CPED1: variants seen among roughly 807,000 people sequenced by gnomAD.
CPED1 encodes cadherin like and PC-esterase domain containing 1.
CPED1 carries 114 observed loss-of-function variants against 128.2 expected under a neutral mutation model. That is an observed-to-expected ratio of 0.89 (90% CI 0.76 to 1.04). The LOEUF (loss-of-function observed/expected upper bound fraction) is 1.04, where lower values mean the gene tolerates loss of function less well. CPED1 is among the 50% of genes least tolerant of loss of function. The pLI is 0.00. For synonymous variants in CPED1, 462 were observed against 426.7 expected (o/e 1.08, Z -1.02); for missense variants, 1,211 against 1,207.1 (o/e 1.00, Z -0.05).
intron 3 of CPED1, among the ~76,000 whole-genome samples, chr7:121,017,656 G>T (rs1446859516): frequency 1.3e-5 from 2 of 152,124 alleles, no homozygotes; most frequent in African/African-American, 4.8e-5. Flanking sequence ...GCACAACATG[G>T]ATTATCTGTA....
At chr7:121,087,371 T>A (rs1407621881) in intron 5 of CPED1, among the ~76,000 whole-genome samples, 1 of 152,178 alleles carries the variant, frequency 6.6e-6, no homozygotes, top group East Asian at 1.9e-4. Context: ...AACAAACTGA[T>A]ATAGATTAAT....
intron 22 of CPED1, among the ~76,000 whole-genome samples, chr7:121,283,217 G>A (rs1335696173): frequency 6.6e-6 from 1 of 152,074 alleles, no homozygotes; most frequent in African/African-American, 2.4e-5. Context: ...GTAAGATTGG[G>A]GTTTATATAG....
chr7:121,177,672 G>A (rs909338854), intron 16 of CPED1, among the ~76,000 whole-genome samples: 1 of 152,060 alleles, frequency 6.6e-6, no homozygotes, highest in African/African-American at 2.4e-5. Context: ...GCAGTGAGGA[G>A]AAAGTGCTGT....
At chr7:121,170,628 G>A (rs970054290) in intron 16 of CPED1, among the ~76,000 whole-genome samples, 1 of 152,084 alleles carries the variant, frequency 6.6e-6, no homozygotes, top group Non-Finnish European at 1.5e-5. Context: ...TTCTCATGGA[G>A]CTCACAGTCT....
intron 5 of CPED1, among the ~76,000 whole-genome samples, chr7:121,096,690 A>G (rs1399104743): frequency 3.3e-5 from 5 of 152,204 alleles, no homozygotes; most frequent in African/African-American, 7.2e-5. Context: ...ATACACAACA[A>G]TAAAGAATGG....
intron 2 of CPED1, among the ~76,000 whole-genome samples, chr7:121,015,106 G>A (rs914596647): frequency 2.0e-5 from 3 of 152,178 alleles, no homozygotes; most frequent in Non-Finnish European, 4.4e-5. Flanking sequence ...CTCCTCACAT[G>A]TGAAGACCCA....
At chr7:121,216,539 G>A (rs1797763957) in intron 16 of CPED1, among the ~76,000 whole-genome samples, 1 of 151,916 alleles carries the variant, frequency 6.6e-6, no homozygotes, top group African/African-American at 2.4e-5. Flanking sequence ...AGCAGGCTCT[G>A]CTAGAACCTT....
At chr7:121,231,509 C>A (rs920025354) in intron 16 of CPED1, among the ~76,000 whole-genome samples, 3 of 152,030 alleles carry the variant, frequency 2.0e-5, no homozygotes, top group Non-Finnish European at 4.4e-5. Context: ...GATAATAGAA[C>A]CAAGATTTCC....
Position 121,140,987 on chromosome 7 carries a change from GCACCTGTA to G in CPED1, c.1862_1869del (p.His621ArgfsTer26), listed in dbSNP as rs1563042544. 6 of 1,611,222 alleles carry G rather than the reference GCACCTGTA, an allele frequency of 3.7e-6. No homozygotes were observed. The highest frequency in any genetic ancestry group is 5.1e-6 in the Non-Finnish European group (6 of 1,178,762). On this transcript the variant is annotated frameshift_variant, in exon 15 of 23. Transcript: ENST00000310396. LOFTEE classifies it high-confidence loss of function. ...AAACTCCTAAGTGTCTGTGCAAGGT[GCACCTGTA>G]CGAGCAGGCAGGGCCAAGGTATGAG... is the stretch of plus-strand genomic sequence containing the variant.
At chr7:121,237,125 T>C (rs1337991716) in intron 17 of CPED1, among the ~76,000 whole-genome samples, 1 of 152,194 alleles carries the variant, frequency 6.6e-6, no homozygotes, top group African/African-American at 2.4e-5. Context: ...TGTTTCTTTA[T>C]TATATAGTTG....
chr7:121,108,229 T>A (rs971524986), intron 7 of CPED1, among the ~76,000 whole-genome samples: 3 of 152,116 alleles, frequency 2.0e-5, no homozygotes, highest in African/African-American at 4.8e-5. Flanking sequence ...ACATATTTAT[T>A]TTAAAAAAGT....
chr7:121,141,989 C>T lies in CPED1; in HGVS notation c.1903C>T (p.Leu635=), dbSNP rs147583997. 30 of 1,612,344 alleles carry T rather than the reference C, an allele frequency of 1.9e-5. No individual in the cohort carries two copies. The African/African-American group carries it at 3.6e-4, about 19-fold the overall frequency. The change falls in exon 16 of 23, where the codon CTG becomes TTG. Residue 635 remains leucine, a synonymous_variant. Transcript: ENST00000310396. ...QAGPSFASYP[L]GLGMNKISIF... Reference sequence around the variant, plus strand: ...TCTCTCCAGCTTTGCCAGCTACCCTCTGGGCTTAGGAATGAACAAAATCTC... The same window carrying T: ...TCTCTCCAGCTTTGCCAGCTACCCTTTGGGCTTAGGAATGAACAAAATCTC...
intron 4 of CPED1, among the ~76,000 whole-genome samples, chr7:121,060,803 G>A (rs1282932942): frequency 6.6e-6 from 1 of 152,118 alleles, no homozygotes; most frequent in South Asian, 2.1e-4. Flanking sequence ...CCCTTTTCAC[G>A]TTGTGGAAGC....
At chr7:121,146,380 C>T (rs1796025507) in intron 16 of CPED1, among the ~76,000 whole-genome samples, 1 of 152,126 alleles carries the variant, frequency 6.6e-6, no homozygotes, top group South Asian at 2.1e-4. Flanking sequence ...TTAATACCAT[C>T]ACAATGGGGA....
intron 18 of CPED1, among the ~76,000 whole-genome samples, chr7:121,249,310 C>T (rs1338658502): frequency 6.6e-6 from 1 of 151,982 alleles, no homozygotes; most frequent in Non-Finnish European, 1.5e-5. Flanking sequence ...CATGCACATT[C>T]AAAAAACATG....
Position 121,256,111 on chromosome 7 carries a change from C to CAAAAAAAAAAAAAAAAAAAAAAAAAAAA in CPED1, c.2311-10104_2311-10103insAAAAAAAAAAAAAAAAAAAAAAAAAAAA, listed in dbSNP as rs1286167648. On this transcript the variant is annotated intron_variant, in intron 18 of 22. Coordinates refer to ENST00000310396, the MANE Select transcript of CPED1 (RefSeq NM_024913.5). ...CCCTAATAGTTAAAGCAATCCTAAG[C>CAAAAAAAAAAAAAAAAAAAAAAAAAAAA]AAAAAAAAAAAACAAAACAAAAAAA... 2.6e-4 allele frequency among the ~76,000 whole-genome samples: 9 copies of CAAAAAAAAAAAAAAAAAAAAAAAAAAAA among 34,148 alleles called. 1 individual carries two copies. The highest frequency in any genetic ancestry group is 8.8e-4 in the African/African-American group (8 of 9,100). The allele number at this position is 34,148 out of a possible 152,430, so 22.4% of individuals were successfully genotyped here. A position where few individuals can be genotyped will look rare whatever the true frequency, so the allele number is the denominator to read the frequency against.
At chr7:121,124,553 A>G (rs1795459710) in intron 8 of CPED1, 80 bp downstream of exon 8, 3 of 1,126,696 alleles carry the variant, frequency 2.7e-6, no homozygotes, top group Admixed American at 6.7e-5. Context: ...GTGGAAATGT[A>G]TCTTAATTAT....
intron 5 of CPED1, among the ~76,000 whole-genome samples, chr7:121,069,842 AGTT>A (rs1404117420): frequency 6.6e-6 from 1 of 152,130 alleles, no homozygotes; most frequent in Admixed American, 6.6e-5. Flanking sequence ...TTGGGCTGTG[AGTT>A]GTTGTTTTTG....
At chr7:121,068,593 TGTGG>T (rs1563013345) in intron 5 of CPED1, among the ~76,000 whole-genome samples, 1 of 151,740 alleles carries the variant, frequency 6.6e-6, no homozygotes, top group Non-Finnish European at 1.5e-5. Context: ...GACTTGGCAA[TGTGG>T]GCTCTTTTTT....
Sources: gnomAD v4.1 joint callset for allele counts (sites outside exome capture counted in the v4.1 genomes callset) on GRCh38, gnomAD v4.1.1 for gene constraint, MANE v1.5 for transcripts, NCBI Gene and HGNC (gene_info 2026-07-23, HGNC 2026-07-21) for gene names.